Variants in PDPR observed in about 807,000 individuals in gnomAD.
The protein encoded by PDPR is pyruvate dehydrogenase phosphatase regulatory subunit, mitochondrial.
A neutral mutation model predicts 102.2 loss-of-function variants in PDPR; 50 were observed. The observed-to-expected ratio is 0.49, with a 90% CI of 0.39 to 0.62. PDPR has a LOEUF of 0.62. PDPR is among the 20% of genes least tolerant of loss of function. The probability of loss-of-function intolerance (pLI) is 0.00; values close to 1 mark genes in which losing one functional copy is unlikely to be tolerated. For missense variants in PDPR, 625 were observed against 1,098.2 expected, an observed-to-expected ratio of 0.57 and a Z score of 6.09; for synonymous variants, 259 against 406.0, an observed-to-expected ratio of 0.64 and a Z score of 4.35.
intron 18 of PDPR, among the ~76,000 whole-genome samples, chr16:70,154,473 A>G (rs923098134): frequency 2.4e-4 from 36 of 152,342 alleles, no homozygotes; most frequent in African/African-American, 7.5e-4. Context: ...CTGAATTACA[A>G]TTGAAAAACA....
intron 18 of PDPR, among the ~76,000 whole-genome samples, chr16:70,156,021 CT>C (rs1228272677): frequency 6.6e-6 from 1 of 152,214 alleles, no homozygotes; most frequent in Non-Finnish European, 1.5e-5. Context: ...TCCCAAGTAG[CT>C]AGAACTATAG....
At chr16:70,129,248 C>T (rs894433992) in intron 6 of PDPR, 126 bp downstream of exon 6, 3 of 1,534,680 alleles carry the variant, frequency 2.0e-6, no homozygotes, top group Non-Finnish European at 2.7e-6. Flanking sequence ...GGTACTCAGC[C>T]TCCATTTTGA....
chr16:70,131,022 A>C (rs1276817210), intron 7 of PDPR, among the ~76,000 whole-genome samples: 2 of 152,260 alleles, frequency 1.3e-5, no homozygotes, highest in Non-Finnish European at 1.5e-5. Flanking sequence ...TTTGTAGCTG[A>C]GCCCAGGCGT....
At chr16:70,163,214 C>T (rs1393641507), downstream of PDPR, among the ~76,000 whole-genome samples, 14 of 152,234 alleles carry the variant, frequency 9.2e-5, no homozygotes, top group Admixed American at 8.5e-4. Context: ...TCCCAAAGTG[C>T]TGGGATTACA....
chr16:70,154,934 C>T (rs1046450069), intron 18 of PDPR, among the ~76,000 whole-genome samples: 1 of 152,238 alleles, frequency 6.6e-6, no homozygotes, highest in African/African-American at 2.4e-5. Flanking sequence ...ACAGCACACC[C>T]GGCCTAATTT....
At position 70,153,522 on chromosome 16, in the gene PDPR, C is replaced by A. The variant is rs576505662; in HGVS notation, c.2184C>A (p.Asn728Lys). 7.4e-6 allele frequency: 12 copies of A among 1,611,966 alleles called. No individual in the cohort carries two copies. The South Asian group carries it at 1.1e-4, about 15-fold the overall frequency. Residue 728 changes from asparagine to lysine, a missense_variant, in exon 18 of 19, where the codon AAC becomes AAA. This residue lies in a region of PDPR where 303 missense variants were observed against 258.9 expected (regional missense o/e 1.17). Coordinates refer to ENST00000288050, the MANE Select transcript of PDPR (RefSeq NM_017990.5). Reference protein sequence around the residue: ...FFAFWGQDINNLTTPLECGRE... With the variant: ...FFAFWGQDINKLTTPLECGRE... ...CCTTCTGGGGTCAGGATATAAATAA[C>A]CTCACCACGCCCCTGGAATGTGGAC...
At chr16:70,132,743 C>T (rs535374617) in intron 9 of PDPR, among the ~76,000 whole-genome samples, 45 of 152,204 alleles carry the variant, frequency 3.0e-4, no homozygotes, top group African/African-American at 1.1e-3. Context: ...TTCACCTTGG[C>T]CTCCCAAAGT....
At chr16:70,120,417 C>T (rs1963118382) in intron 2 of PDPR, 44 bp from the exon 3 acceptor site, 3 of 950,930 alleles carry the variant, frequency 3.2e-6, no homozygotes, top group East Asian at 2.5e-5. Context: ...TAATCCCATG[C>T]ACTGAGTAGA....
At chr16:70,144,235 AG>A (rs1330252761) in intron 14 of PDPR, among the ~76,000 whole-genome samples, 185 bp from the exon 15 acceptor site, 5 of 148,738 alleles carry the variant, frequency 3.4e-5, no homozygotes, top group African/African-American at 1.3e-4. Context: ...TGGCATTAAC[AG>A]GAAGCCAGAA....
At chr16:70,143,694 A>G (rs752516021) in intron 14 of PDPR, 36 bp downstream of exon 14, 5 of 1,607,454 alleles carry the variant, frequency 3.1e-6, no homozygotes, top group South Asian at 1.1e-5. Context: ...GCTCCCTCCA[A>G]CATGTTGATT....
At chr16:70,151,983 T>C (rs1966772687) in intron 17 of PDPR, among the ~76,000 whole-genome samples, 1 of 152,302 alleles carries the variant, frequency 6.6e-6, no homozygotes, top group Admixed American at 6.5e-5. Flanking sequence ...TAGTTGGATC[T>C]GGCCCAACAC....
chr16:70,145,287 G>A (rs1446856054), intron 15 of PDPR, among the ~76,000 whole-genome samples: 10 of 152,250 alleles, frequency 6.6e-5, no homozygotes, highest in South Asian at 2.1e-4. Context: ...ATAGGCGCCC[G>A]CCACCACGCC....
intron 9 of PDPR, among the ~76,000 whole-genome samples, chr16:70,132,893 G>C (rs1282442004): frequency 6.6e-6 from 1 of 152,188 alleles, no homozygotes; most frequent in Non-Finnish European, 1.5e-5. Flanking sequence ...GCTCACTGTA[G>C]CCTCAAATTC....
chr16:70,123,376 A>G (rs1963553442), intron 3 of PDPR, among the ~76,000 whole-genome samples: 2 of 152,210 alleles, frequency 1.3e-5, no homozygotes, highest in African/African-American at 2.4e-5. Flanking sequence ...AGCTGGGACT[A>G]CAGGCATGCA....
At position 70,120,588 on chromosome 16, in the gene PDPR, C is replaced by T. The variant is rs752258859; in HGVS notation, c.96C>T (p.Ala32=). ...CTGCAAGAAACAGCACGTCAGCTGC[C>T]GAGGCGCGTTCCATGGCCCTGCCCA... The part of the protein sequence containing the change: ...WSSARNSTSA[A]EARSMALPTQ... The change falls in exon 3 of 19, where the codon GCC becomes GCT. Residue 32 remains alanine (A), a synonymous_variant. Transcript: ENST00000288050. 1.9e-6 allele frequency: 3 copies of T among 1,613,954 alleles called. No individual in the cohort carries two copies. Among genetic ancestry groups the T allele is most frequent in the East Asian group, 2.2e-5 (1 of 44,890 alleles).
chr16:70,138,550 T>C (rs959438445), intron 10 of PDPR, among the ~76,000 whole-genome samples: 2 of 151,982 alleles, frequency 1.3e-5, no homozygotes, highest in African/African-American at 4.8e-5. Context: ...GACGGGGTCT[T>C]ACTATGTTGC....
upstream of PDPR, chr16:70,114,073 C>G (rs1293943258): frequency 6.6e-6 from 1 of 152,230 alleles, no homozygotes; most frequent in African/African-American, 2.4e-5. Flanking sequence ...GTCCGAGGCC[C>G]CGGTTCTAAA....
chr16:70,139,325 T>C (rs557396664), intron 11 of PDPR, among the ~76,000 whole-genome samples: 1 of 152,356 alleles, frequency 6.6e-6, no homozygotes, highest in South Asian at 2.1e-4. Context: ...CGGTCTGCCT[T>C]GAGAGACCGT....
intron 18 of PDPR, among the ~76,000 whole-genome samples, 192 bp downstream of exon 18, chr16:70,153,765 C>T (rs1404689688): frequency 6.6e-6 from 1 of 152,274 alleles, no homozygotes; most frequent in African/African-American, 2.4e-5. Context: ...CAAATGAAAA[C>T]ATAATAATGG....
Sources: allele counts gnomAD v4.1 joint callset (sites outside exome capture counted in the v4.1 genomes callset), GRCh38; gene constraint gnomAD v4.1.1; regional missense constraint gnomAD v4.1.1; transcripts MANE v1.5; gene names NCBI Gene and HGNC (gene_info 2026-07-23, HGNC 2026-07-21).